Variants in NLGN4X observed in about 807,000 individuals in gnomAD.
NLGN4X encodes neuroligin 4 X-linked, also known as neuroligin-4, X-linked.
In NLGN4X, 3 loss-of-function variants were observed where a neutral mutation model predicts 40.3. The ratio of observed to expected loss-of-function variants is 0.07; its 90% CI spans 0.03 to 0.19. NLGN4X has a LOEUF of 0.19. Ranked by LOEUF, NLGN4X falls within the 10% of genes least tolerant of loss-of-function variation. The pLI is 1.00. For synonymous variants in NLGN4X, 270 were observed against 306.8 expected, an observed-to-expected ratio of 0.88 and a Z score of 1.25; for missense variants, 382 against 708.3, an observed-to-expected ratio of 0.54 and a Z score of 5.23.
chrX:6,089,463 T>C (rs1281802007), intron 2 of NLGN4X, among the ~76,000 whole-genome samples: 2 of 112,582 alleles, frequency 1.8e-5, no homozygotes, highest in African/African-American at 6.4e-5. Context: ...ACACAGCAGG[T>C]GTTCAATAAA....
chrX:6,136,650 T>A (rs932842142), intron 2 of NLGN4X, among the ~76,000 whole-genome samples: 2 of 112,270 alleles, frequency 1.8e-5, no homozygotes, highest in African/African-American at 6.5e-5. Context: ...TAAGACACAA[T>A]TTATATGCTT....
chrX:5,948,803 TTC>T (rs1032113021), intron 3 of NLGN4X, among the ~76,000 whole-genome samples: 20 of 112,082 alleles, frequency 1.8e-4, no homozygotes, highest in African/African-American at 1.9e-4. Context: ...TCTCCCATGA[TTC>T]TGTGAGCTGA....
intron 3 of NLGN4X, among the ~76,000 whole-genome samples, chrX:6,017,690 T>C (rs1254831088): frequency 8.9e-6 from 1 of 112,125 alleles, no homozygotes; most frequent in Non-Finnish European, 1.9e-5. Context: ...TGAATTTTGA[T>C]ATATTCCCAA....
intron 2 of NLGN4X, among the ~76,000 whole-genome samples, chrX:6,140,432 T>C (rs1158953218): frequency 1.0e-5 from 1 of 100,485 alleles, no homozygotes; most frequent in Non-Finnish European, 2.0e-5. Flanking sequence ...TCCTACCGGG[T>C]TTCCTTCAAT....
chrX:6,148,798 G>A (rs1465586733), intron 2 of NLGN4X, among the ~76,000 whole-genome samples: 2 of 111,896 alleles, frequency 1.8e-5, no homozygotes, highest in Non-Finnish European at 3.8e-5. Context: ...ACAGGCGTGA[G>A]CCACCGCGCC....
intron 2 of NLGN4X, among the ~76,000 whole-genome samples, chrX:6,095,809 G>A (rs924976052): frequency 4.5e-5 from 5 of 111,705 alleles, no homozygotes; most frequent in African/African-American, 1.3e-4. Context: ...ACAACGCACA[G>A]GAAGCGCCCC....
At chrX:5,939,455 TA>T (rs1156329245) in intron 3 of NLGN4X, among the ~76,000 whole-genome samples, 2 of 111,187 alleles carry the variant, frequency 1.8e-5, no homozygotes, top group East Asian at 5.7e-4. Context: ...TGTGCACTCT[TA>T]GCTACAAAGA....
intron 3 of NLGN4X, among the ~76,000 whole-genome samples, chrX:5,954,474 ATCC>A (rs2034418739): frequency 9.9e-6 from 1 of 101,446 alleles, no homozygotes; most frequent in Admixed American, 1.1e-4. Context: ...GGCTCAAGTA[ATCC>A]TCCTGCCTCG....
intron 2 of NLGN4X, among the ~76,000 whole-genome samples, chrX:6,115,946 G>A (rs1014179419): frequency 2.7e-5 from 3 of 110,773 alleles, no homozygotes; most frequent in African/African-American, 9.9e-5. Context: ...AGAATTAAGA[G>A]GTGAGCGAGA....
intron 2 of NLGN4X, among the ~76,000 whole-genome samples, chrX:6,039,521 A>G (rs2037104040): frequency 8.9e-6 from 1 of 112,095 alleles, no homozygotes; most frequent in East Asian, 2.8e-4. Flanking sequence ...ACTGATACAT[A>G]GGGTAATACT....
chrX:6,163,091 T>C (rs1320365565), intron 1 of NLGN4X, among the ~76,000 whole-genome samples: 2 of 111,884 alleles, frequency 1.8e-5, no homozygotes, highest in African/African-American at 3.3e-5. Context: ...CCTTCCGCCA[T>C]GTAAGACATG....
chrX:5,971,792 G>A (rs977092472), intron 3 of NLGN4X, among the ~76,000 whole-genome samples: 2 of 111,558 alleles, frequency 1.8e-5, no homozygotes, highest in African/African-American at 6.5e-5. Context: ...TTCCTGTTAG[G>A]CAACCACGGT....
rs199980325 is a variant in NLGN4X, at chrX:6,151,284, C to T, written c.183G>A (p.Pro61=). Residue 61 remains proline, a synonymous_variant, in exon 2 of 6, where the codon CCG becomes CCA. Transcript: ENST00000381095. ...NYGKIRGLRT[P]LPNEILGPVE... ...CTGGACCCAAGATCTCATTGGGTAA[C>T]GGTGTTCTTAGGCCCCGGATTTTGC... The T allele has an allele frequency of 9.9e-6, 12 of 1,209,952 alleles. No homozygotes were observed. Among genetic ancestry groups the T allele is most frequent in the East Asian group, 5.9e-5 (2 of 33,735 alleles).
intron 1 of NLGN4X, among the ~76,000 whole-genome samples, chrX:6,155,985 G>T (rs943266885): frequency 4.5e-5 from 5 of 112,222 alleles, no homozygotes; most frequent in African/African-American, 1.6e-4. Context: ...AAAGCAGTAT[G>T]GAGATTTCTC....
chrX:6,036,005 G>A (rs1386552096), intron 2 of NLGN4X, among the ~76,000 whole-genome samples: 2 of 111,530 alleles, frequency 1.8e-5, no homozygotes, highest in African/African-American at 6.5e-5. Context: ...TAAGTGTTGG[G>A]GGGGTAAAAA....
chrX:5,972,761 CGGGGGCGGGGT>C (rs2035062573), intron 3 of NLGN4X, among the ~76,000 whole-genome samples: 2 of 246 alleles, frequency 8.1e-3, no homozygotes, highest in East Asian at 0.091. Flanking sequence ...AGGTGGGGGG[CGGGGGCGGGGT>C]GGGGGCGGGG....
chrX:5,973,535 C>T (rs775635147), intron 3 of NLGN4X, among the ~76,000 whole-genome samples: 27 of 112,403 alleles, frequency 2.4e-4, no homozygotes, highest in Admixed American at 1.6e-3. Flanking sequence ...ATCCTACCCC[C>T]ACTCAAAGGT....
intron 3 of NLGN4X, among the ~76,000 whole-genome samples, chrX:6,022,045 GTC>G (rs2036573041): frequency 9.0e-6 from 1 of 111,705 alleles, no homozygotes; most frequent in South Asian, 3.7e-4. Flanking sequence ...CTTCTTTTAC[GTC>G]TCTACTTTTG....
At chrX:6,035,016 T>G (rs905885527) in intron 2 of NLGN4X, among the ~76,000 whole-genome samples, 2 of 112,175 alleles carry the variant, frequency 1.8e-5, no homozygotes, top group African/African-American at 6.5e-5. Context: ...CTCATTGTAG[T>G]TTTCATTTGC....
Sources: allele counts gnomAD v4.1 joint callset (sites outside exome capture counted in the v4.1 genomes callset), GRCh38; gene constraint gnomAD v4.1.1; transcripts MANE v1.5; gene names NCBI Gene and HGNC (gene_info 2026-07-23, HGNC 2026-07-21).